Variants in EFCAB10 observed in about 807,000 individuals in gnomAD.
EFCAB10 encodes EF-hand calcium-binding domain-containing protein 10.
In EFCAB10, 7 loss-of-function variants were observed where a neutral mutation model predicts 7.7. The ratio of observed to expected loss-of-function variants is 0.91; its 90% confidence interval spans 0.52 to 1.72. The LOEUF (loss-of-function observed/expected upper bound fraction) is 1.72. EFCAB10 is among the 40% of genes most tolerant of loss of function. EFCAB10 has a pLI of 0.00. For synonymous variants in EFCAB10, 52 were observed against 21.0 expected, an observed-to-expected ratio of 2.47 and a Z score of -4.03; for missense variants, 112 against 61.5, an observed-to-expected ratio of 1.82 and a Z score of -2.74.
rs777493133 is a variant in EFCAB10, at chr7:105,565,552, A to G, written c.*-105T>C. On this transcript the variant is annotated intron_variant, in intron 4 of 4. Transcript: ENST00000480514. The stretch of plus-strand genomic sequence containing the variant: ...CAGATAATTCTTGCTAATCACTTCA[A>G]TGAAGGAGGAGCAGCCCAGCTGCAG... 4.3e-6 allele frequency: 7 copies of G among 1,613,906 alleles called. No homozygotes were observed. The highest frequency in any genetic ancestry group is 1.7e-5 in the Admixed American group (1 of 59,976).
chr7:105,572,831 CTT>C (rs1160602062), intron 1 of EFCAB10: 1 of 152,104 alleles, frequency 6.6e-6, no homozygotes, highest in Non-Finnish European at 1.5e-5. Flanking sequence ...GCTCAGCTCT[CTT>C]TTGTTTTTTG....
At chr7:105,577,822 G>A (rs1347329573) in intron 1 of EFCAB10, among the ~76,000 whole-genome samples, 1 of 151,938 alleles carries the variant, frequency 6.6e-6, no homozygotes, top group Non-Finnish European at 1.5e-5. Flanking sequence ...GCGTTCAAGC[G>A]ATTCTCCTGT....
At chr7:105,570,448 T>C (rs1791920647) in intron 1 of EFCAB10, among the ~76,000 whole-genome samples, 1 of 151,540 alleles carries the variant, frequency 6.6e-6, no homozygotes. Context: ...TCAACTTACT[T>C]TTCAGAAATA....
intron 1 of EFCAB10, among the ~76,000 whole-genome samples, chr7:105,570,091 G>A (rs1389846670): frequency 1.3e-5 from 2 of 150,064 alleles, no homozygotes; most frequent in African/African-American, 4.9e-5. Context: ...GTGCATGCCT[G>A]TAATCCCAGC....
chr7:105,575,057 G>A (rs1457315844), intron 1 of EFCAB10, among the ~76,000 whole-genome samples: 1 of 151,314 alleles, frequency 6.6e-6, no homozygotes, highest in Non-Finnish European at 1.5e-5. Flanking sequence ...GGGGGTTGCG[G>A]TGAGCCAAGA....
intron 1 of EFCAB10, among the ~76,000 whole-genome samples, chr7:105,570,211 C>A (rs376562434): frequency 5.8e-5 from 1 of 17,342 alleles, no homozygotes; most frequent in Non-Finnish European, 1.1e-4. Context: ...AAGACTCTCT[C>A]AAAAAAAAAA....
Position 105,569,427 on chromosome 7 carries a change from G to C in EFCAB10, c.251C>G (p.Ser84Ter), listed in dbSNP as rs1203284084. ...CTGACCTTCTTTATACTGCACAAAT[G>C]ATATGGTGCCTCTGCCTGAGGAGTC... ...MMDSSGRGTI[S>*]FVQYKEALKT... The change falls in exon 2 of 5, where the codon TCA becomes TGA. Residue 84 changes from serine to a stop codon, truncating the protein, a stop_gained. Coordinates refer to ENST00000480514, the MANE Select transcript of EFCAB10 (RefSeq NM_001355526.2). LOFTEE classifies it high-confidence loss of function. The C allele has an allele frequency of 1.7e-5, 12 of 702,436 alleles. No homozygotes were observed. In the Admixed American group the frequency reaches 2.2e-4, roughly 13 times the overall value. 43.5% of individuals were successfully genotyped at this position (702,436 alleles called of 1,614,324 possible). A position where few individuals can be genotyped will look rare whatever the true frequency, so the allele number is the denominator to read the frequency against.
chr7:105,570,266 T>TAC (rs199655037), intron 1 of EFCAB10, among the ~76,000 whole-genome samples: 46 of 79,980 alleles, frequency 5.8e-4, no homozygotes, highest in East Asian at 3.2e-3. Context: ...TATATATATA[T>TAC]ATACACACAC....
chr7:105,576,523 AG>A (rs1792084060), intron 1 of EFCAB10, among the ~76,000 whole-genome samples: 1 of 152,134 alleles, frequency 6.6e-6, no homozygotes, highest in South Asian at 2.1e-4. Context: ...GCTCACTGCA[AG>A]CTCCGCCTCC....
intron 1 of EFCAB10, among the ~76,000 whole-genome samples, chr7:105,579,555 G>A (rs1421067991): frequency 2.0e-5 from 3 of 152,130 alleles, no homozygotes; most frequent in South Asian, 2.1e-4. Flanking sequence ...ATAGATACTT[G>A]CCTAACAATA....
chr7:105,570,008 A>C (rs1400915199), intron 1 of EFCAB10, among the ~76,000 whole-genome samples: 1 of 151,092 alleles, frequency 6.6e-6, no homozygotes, highest in Non-Finnish European at 1.5e-5. Context: ...AGATCACCTG[A>C]GGTTGGGAGT....
In EFCAB10 at chr7:105,581,441, A is replaced by G; in HGVS notation, c.23T>C (p.Leu8Pro). The G allele has an allele frequency of 1.4e-6, 1 of 702,916 alleles. No individual in the cohort carries two copies. Among genetic ancestry groups the G allele is most frequent in the South Asian group, 1.5e-5 (1 of 67,590 alleles). The allele number at this position is 702,916 out of a possible 1,614,324, so 43.5% of individuals were successfully genotyped here. The change falls in exon 1 of 5, where the codon CTC (leucine) becomes CCC (proline). Residue 8 changes from leucine to proline, a missense_variant. Leu to Pro is a moderately conservative substitution (Grantham distance 98, BLOSUM62 -3). Coordinates refer to ENST00000480514, the MANE Select transcript of EFCAB10 (RefSeq NM_001355526.2). ...CTTTTCCAAATACTCCGCGGCTTGG[A>G]GCTCCCTGCTGCTGGTCTCCATCGC... METSSRE[L>P]QAAEYLEKHQ...
intron 1 of EFCAB10, among the ~76,000 whole-genome samples, chr7:105,578,806 T>C (rs1792150049): frequency 6.6e-6 from 1 of 152,180 alleles, no homozygotes; most frequent in Admixed American, 6.5e-5. Context: ...AGAGTCTCAC[T>C]CTGTTGCTCA....
intron 4 of EFCAB10, chr7:105,567,022 C>A: frequency 1.6e-6 from 1 of 625,038 alleles, no homozygotes; most frequent in Non-Finnish European, 2.6e-6. Flanking sequence ...ACATGTGGAC[C>A]AGCAGTGCAG....
intron 1 of EFCAB10, among the ~76,000 whole-genome samples, chr7:105,570,243 ATATAT>A: frequency 1.1e-4 from 6 of 54,428 alleles, no homozygotes; most frequent in African/African-American, 4.1e-4. Flanking sequence ...AAAAAAAAAT[ATATAT>A]ATATATATAT....
rs2133497301 is a variant in EFCAB10, at chr7:105,567,231, G to A, written c.383+236C>T. The stretch of plus-strand genomic sequence containing the variant: ...TCCTGCCACAGCAGCATTAAATGAA[G>A]TTGGAATTTACAAACTGGCTCAACA... On this transcript the variant is annotated intron_variant, in intron 4 of 4. Coordinates refer to ENST00000480514, the MANE Select transcript of EFCAB10 (RefSeq NM_001355526.2). The A allele has an allele frequency of 6.2e-7, 1 of 1,613,748 alleles. No homozygotes were observed. The highest frequency in any genetic ancestry group is 8.5e-7 in the Non-Finnish European group (1 of 1,179,898).
chr7:105,570,092 T>C (rs1279023230), intron 1 of EFCAB10, among the ~76,000 whole-genome samples: 2 of 149,568 alleles, frequency 1.3e-5, no homozygotes, highest in Non-Finnish European at 3.0e-5. Context: ...TGCATGCCTG[T>C]AATCCCAGCT....
At chr7:105,570,577 T>A (rs529866333) in intron 1 of EFCAB10, among the ~76,000 whole-genome samples, 1 of 146,278 alleles carries the variant, frequency 6.8e-6, no homozygotes, top group South Asian at 2.1e-4. Flanking sequence ...TACTCTTACA[T>A]TTTTTTTTTT....
intron 1 of EFCAB10, chr7:105,573,139 T>C (rs1791991575): frequency 6.6e-6 from 1 of 152,150 alleles, no homozygotes; most frequent in African/African-American, 2.4e-5. Flanking sequence ...AATCTTTTAA[T>C]TTATAGGTTT....
Sources: allele counts gnomAD v4.1 joint callset (sites outside exome capture counted in the v4.1 genomes callset), GRCh38; gene constraint gnomAD v4.1.1; transcripts MANE v1.5; gene names NCBI Gene and HGNC (gene_info 2026-07-23, HGNC 2026-07-21).